ARHGEF2: variants seen among roughly 807,000 people sequenced by gnomAD.
ARHGEF2 encodes the protein rho guanine nucleotide exchange factor 2.
In ARHGEF2, 22 loss-of-function variants were observed where a neutral mutation model predicts 121.0. The observed-to-expected ratio is 0.18, with a 90% CI of 0.13 to 0.26. The LOEUF (loss-of-function observed/expected upper bound fraction) is 0.26, where lower values mean the gene tolerates loss of function less well. Among genes scored for constraint, ARHGEF2 ranks in the 10% least tolerant of loss-of-function variants. ARHGEF2 has a pLI of 1.00. For synonymous variants in ARHGEF2, 487 were observed against 530.0 expected (o/e 0.92, Z 1.11); for missense variants, 907 against 1,336.0 (o/e 0.68, Z 5.01).
chr1:155,977,981 G>A (rs1487279678), intron 1 of ARHGEF2: 15 of 682,870 alleles, frequency 2.2e-5, no homozygotes, highest in Non-Finnish European at 2.6e-5. Flanking sequence ...CCAAGCCGGT[G>A]GGGCCCGGGG....
At position 155,950,918 on chromosome 1, in the gene ARHGEF2, C is replaced by T; in HGVS notation, c.2614G>A (p.Glu872Lys). Reference sequence around the variant, plus strand: ...ACAGGTCTGCGGGCCCAGGGGGCCTCAGCTGGGAGTGGCTCGGTCTGGCCC... The same window carrying T: ...ACAGGTCTGCGGGCCCAGGGGGCCTTAGCTGGGAGTGGCTCGGTCTGGCCC... Reference protein sequence around the residue: ...ALGQTEPLPAEAPWARRPVDP... With the variant: ...ALGQTEPLPAKAPWARRPVDP... The change falls in exon 20 of 22, where the codon GAG (glutamate) becomes AAG (lysine). Residue 872 changes from glutamate to lysine, a missense_variant. By Grantham distance (56) the Glu-to-Lys change is moderately conservative. Transcript: ENST00000361247. This position sits in a 1 kb window ranked among gnomAD's most constrained non-coding sequence, Gnocchi z 5.2. The T allele has an allele frequency of 6.2e-7, 1 of 1,603,204 alleles. No individual in the cohort carries two copies. The highest frequency in any genetic ancestry group is 1.1e-5 in the South Asian group (1 of 90,272).
At chr1:155,948,360 T>C (rs913481818) in intron 21 of ARHGEF2, among the ~76,000 whole-genome samples, 1 of 152,226 alleles carries the variant, frequency 6.6e-6, no homozygotes, top group African/African-American at 2.4e-5. Context: ...ACTGGCCCCA[T>C]GGCTCGTGCT....
At chr1:155,973,608 T>G (rs1359918924) in intron 1 of ARHGEF2, among the ~76,000 whole-genome samples, 1 of 152,110 alleles carries the variant, frequency 6.6e-6, no homozygotes, top group Non-Finnish European at 1.5e-5. Flanking sequence ...TGGCCGGGTA[T>G]GGTGGTGGGC....
rs1676262026 is a variant in ARHGEF2 at position 155,954,539 on chromosome 1, C to T, written c.1783+363G>A. Among the ~76,000 whole-genome samples, 7 of 151,102 alleles carry T rather than the reference C, an allele frequency of 4.6e-5. No homozygotes were observed. In the South Asian group the frequency reaches 1.0e-3, roughly 23 times the overall value. On this transcript the variant is annotated intron_variant, in intron 14 of 21. Transcript: ENST00000361247. ...TCCTGACCTCGTGATCCGCCCACCT[C>T]GGCCTCCCAAAGTGCTGGGATTACA...
At chr1:155,977,771 C>A (rs985661057) in intron 1 of ARHGEF2, among the ~76,000 whole-genome samples, 1 of 152,228 alleles carries the variant, frequency 6.6e-6, no homozygotes, top group African/African-American at 2.4e-5. Flanking sequence ...ACCCGCCCAC[C>A]CAGAGGGGAG....
chr1:155,971,894 A>AAAAAAATATATATATATATAT (rs1553249067), intron 1 of ARHGEF2, among the ~76,000 whole-genome samples: 1 of 150,664 alleles, frequency 6.6e-6, no homozygotes, highest in African/African-American at 2.4e-5. Context: ...AAAAAAAAAA[A>AAAAAAATATATATATATATAT]ATATATACAT....
At position 155,965,570 on chromosome 1, in the gene ARHGEF2, C is replaced by T; in HGVS notation, c.470+61G>A. 6.2e-7 allele frequency: 1 copy of T among 1,609,810 alleles called. No homozygotes were observed. Among genetic ancestry groups the T allele is most frequent in the Non-Finnish European group, 8.5e-7 (1 of 1,179,022 alleles). On this transcript the variant is annotated intron_variant, in intron 5 of 21. Transcript: ENST00000361247. This position sits in a 1 kb window ranked among gnomAD's most constrained non-coding sequence, Gnocchi z 6.0. ...TCAGGGATGGAAAGGGACCTCTCAG[C>T]ACCCCCTTGGCCTCCACTGCCACAC...
Position 155,954,961 on chromosome 1 carries a change from G to T in ARHGEF2, c.1724C>A (p.Ser575Tyr). 1 of 1,611,238 alleles carries T rather than the reference G, an allele frequency of 6.2e-7. No individual in the cohort carries two copies. Among genetic ancestry groups the T allele is most frequent in the Non-Finnish European group, 8.5e-7 (1 of 1,178,746 alleles). ...CTCAATCAGGGGGAAGTCCTCCCTG[G>T]ATGGGCATCTGGAGGGGTAACAGGT... ...VIQQSVRTCP[S>Y]REDFPLIETE... Residue 575 changes from serine (S) to tyrosine (Y), a missense_variant, in exon 14 of 22, where the codon TCC (serine) becomes TAC (tyrosine). Ser to Tyr is a moderately radical substitution (Grantham distance 144, BLOSUM62 -2). Coordinates refer to ENST00000361247, the MANE Select transcript of ARHGEF2 (RefSeq NM_001162383.2).
chr1:155,950,094 G>A lies in ARHGEF2; in HGVS notation c.2887+205C>T, dbSNP rs1196880228. Among the ~76,000 whole-genome samples, 1 of 152,062 alleles carries A rather than the reference G, an allele frequency of 6.6e-6. No individual in the cohort carries two copies. The highest frequency in any genetic ancestry group is 1.5e-5 in the Non-Finnish European group (1 of 68,020). ...AATCTGTTTTTACTTCTAAAGGTTG[G>A]GAATCACCAACCAGTTGGAGGAGAG... On this transcript the variant is annotated intron_variant, in intron 21 of 21. Coordinates refer to ENST00000361247, the MANE Select transcript of ARHGEF2 (RefSeq NM_001162383.2). The surrounding 1 kb of genome is among the most constrained non-coding windows in gnomAD (Gnocchi z 5.2).
Position 155,965,902 on chromosome 1 carries a change from T to G in ARHGEF2, c.341-142A>C, listed in dbSNP as rs1679273756. The G allele has an allele frequency of 9.5e-7, 1 of 1,056,500 alleles. No individual in the cohort carries two copies. Among genetic ancestry groups the G allele is most frequent in the Admixed American group, 3.4e-5 (1 of 29,024 alleles). 65.4% of individuals were successfully genotyped at this position (1,056,500 alleles called of 1,614,324 possible). Reference sequence around the variant, plus strand: ...TAGTCAAGAAAGATGGTAATGAGAATGCCACCTTACATTTGTGCCATACTC... The same window carrying G: ...TAGTCAAGAAAGATGGTAATGAGAAGGCCACCTTACATTTGTGCCATACTC... On this transcript the variant is annotated intron_variant, in intron 4 of 21. Transcript: ENST00000361247. This position sits in a 1 kb window ranked among gnomAD's most constrained non-coding sequence, Gnocchi z 6.0.
In ARHGEF2 at chr1:155,969,040, C is replaced by T. The variant is rs570252980; in HGVS notation, c.208+116G>A. ...AGCAACTGGCCCTGGCATTTGGGCC[C>T]AGCTGGGGATCAGAGAGAAGAGTGA... On this transcript the variant is annotated intron_variant, in intron 2 of 21. Transcript: ENST00000361247. 2.0e-4 allele frequency: 270 copies of T among 1,363,928 alleles called. 1 individual carries two copies. In the South Asian group the frequency reaches 2.8e-3, roughly 14 times the overall value. 84.5% of individuals were successfully genotyped at this position (1,363,928 alleles called of 1,614,324 possible). A position where few individuals can be genotyped will look rare whatever the true frequency, so the allele number is the denominator to read the frequency against.
chr1:155,969,590 T>G lies in ARHGEF2; in HGVS notation c.64-290A>C. 4.0e-6 allele frequency: 5 copies of G among 1,255,340 alleles called. No homozygotes were observed. In the South Asian group the frequency reaches 9.7e-5, roughly 24 times the overall value. The allele number at this position is 1,255,340 out of a possible 1,614,324, so 77.8% of individuals were successfully genotyped here. The stretch of plus-strand genomic sequence containing the variant: ...CCACTCATCTCCCTGGCTCTAGGTC[T>G]CTGCGTCCTCACTCCACCTTCCCAG... On this transcript the variant is annotated intron_variant, in intron 1 of 21. Coordinates refer to ENST00000361247, the MANE Select transcript of ARHGEF2 (RefSeq NM_001162383.2).
chr1:155,970,069 A>C (rs1387721383), intron 1 of ARHGEF2: 2 of 985,234 alleles, frequency 2.0e-6, no homozygotes, highest in Non-Finnish European at 2.4e-6. Context: ...CCAGCGGAAA[A>C]TCTCTCCTGC....
At chr1:155,967,974 C>T (rs980182625) in intron 2 of ARHGEF2, among the ~76,000 whole-genome samples, 1 of 151,296 alleles carries the variant, frequency 6.6e-6, no homozygotes, top group South Asian at 2.1e-4. Context: ...CCCCCTGGAG[C>T]TCCCTTCTCC....
At position 155,963,120 on chromosome 1, in the gene ARHGEF2, G is replaced by A. The variant is rs199822429; in HGVS notation, c.788C>T (p.Thr263Met). 5.0e-6 allele frequency: 8 copies of A among 1,613,910 alleles called. No individual in the cohort carries two copies. Among genetic ancestry groups the A allele is most frequent in the East Asian group, 2.2e-5 (1 of 44,858 alleles). The part of the protein sequence containing the change: ...TLKIMTRLFR[T>M]GMLEELHLEP... ...CAAGTGTAGCTCTTCCAGCATCCCC[G>A]TGCGGAAGAGGCGGGTCATGATCTT... is the stretch of plus-strand genomic sequence containing the variant. Residue 263 changes from threonine (T) to methionine (M), a missense_variant, in exon 8 of 22, where the codon ACG becomes ATG. Physicochemically the swap from Thr to Met is moderately conservative, Grantham distance 81 (BLOSUM62 -1). Transcript: ENST00000361247.
chr1:155,961,603 C>A lies in ARHGEF2; in HGVS notation c.1468+58G>T. 2 of 1,572,350 alleles carry A rather than the reference C, an allele frequency of 1.3e-6. No individual in the cohort carries two copies. Among genetic ancestry groups the A allele is most frequent in the Non-Finnish European group, 8.6e-7 (1 of 1,161,296 alleles). ...AGAGGTTGATTCTAAGACCTGCAGG[C>A]ATCTCCCACTCTCCATCTGACTTTG... On this transcript the variant is annotated intron_variant, in intron 11 of 21. Coordinates refer to ENST00000361247, the MANE Select transcript of ARHGEF2 (RefSeq NM_001162383.2). This position sits in a 1 kb window ranked among gnomAD's most constrained non-coding sequence, Gnocchi z 4.7.
chr1:155,962,885 T>A lies in ARHGEF2; in HGVS notation c.975+48A>T. On this transcript the variant is annotated intron_variant, in intron 8 of 21. Transcript: ENST00000361247. The surrounding 1 kb of genome is among the most constrained non-coding windows in gnomAD (Gnocchi z 5.8). Reference sequence around the variant, plus strand: ...TGGACCCAAGAAATGCCCAACCCAGTCACACCTCCTTCCATGAATGTCACC... The same window carrying A: ...TGGACCCAAGAAATGCCCAACCCAGACACACCTCCTTCCATGAATGTCACC... 2 of 1,610,928 alleles carry A rather than the reference T, an allele frequency of 1.2e-6. No individual in the cohort carries two copies. The highest frequency in any genetic ancestry group is 1.7e-6 in the Non-Finnish European group (2 of 1,177,606).
chr1:155,957,601 T>C, intron 13 of ARHGEF2, 112 bp downstream of exon 13: 1 of 1,285,334 alleles, frequency 7.8e-7, no homozygotes, highest in Non-Finnish European at 1.1e-6. Flanking sequence ...CCTCAACCTC[T>C]TCCCCCACCT....
rs946781400 is a variant in ARHGEF2, at chr1:155,958,868, C to T, written c.1469-472G>A. ...TGCTGGGATTACAGATATGAGCCACCGCGCCTGGTCACACATTCTTACAGC... is the reference window on the plus strand; with the variant it reads ...TGCTGGGATTACAGATATGAGCCACTGCGCCTGGTCACACATTCTTACAGC... On this transcript the variant is annotated intron_variant, in intron 11 of 21. Coordinates refer to ENST00000361247, the MANE Select transcript of ARHGEF2 (RefSeq NM_001162383.2). Among the ~76,000 whole-genome samples the T allele has an allele frequency of 1.9e-4, 27 of 140,662 alleles. No individual in the cohort carries two copies. In the Admixed American group the frequency reaches 2.0e-3, roughly 11 times the overall value. The allele number at this position is 140,662 out of a possible 152,430, so 92.3% of individuals were successfully genotyped here. A position where few individuals can be genotyped will look rare whatever the true frequency, so the allele number is the denominator to read the frequency against.
Sources: allele counts gnomAD v4.1 joint callset (sites outside exome capture counted in the v4.1 genomes callset), GRCh38; gene constraint gnomAD v4.1.1; non-coding constraint Gnocchi (gnomAD v3.1); transcripts MANE v1.5; gene names NCBI Gene and HGNC (gene_info 2026-07-23, HGNC 2026-07-21).